Variants in NTRK3 observed in about 807,000 individuals in gnomAD.
The protein encoded by NTRK3 is neurotrophic receptor tyrosine kinase 3.
A neutral mutation model predicts 91.7 loss-of-function variants in NTRK3; 24 were observed. The observed-to-expected ratio is 0.26, with a 90% confidence interval of 0.19 to 0.37. NTRK3 has a LOEUF of 0.37. Among genes scored for constraint, NTRK3 ranks in the 10% least tolerant of loss-of-function variants. The pLI is 1.00. For missense variants in NTRK3, 880 were observed against 1,068.9 expected (o/e 0.82, Z 2.46); for synonymous variants, 483 against 404.0 (o/e 1.20, Z -2.34).
chr15:87,902,282 T>G (rs1339460496), intron 17 of NTRK3, among the ~76,000 whole-genome samples: 2 of 152,338 alleles, frequency 1.3e-5, no homozygotes, highest in East Asian at 3.9e-4. Context: ...CTTGTAGAAA[T>G]GGCACTGATA....
At chr15:88,201,326 G>T (rs1337587753) in intron 3 of NTRK3, among the ~76,000 whole-genome samples, 1 of 152,168 alleles carries the variant, frequency 6.6e-6, no homozygotes, top group Non-Finnish European at 1.5e-5. Flanking sequence ...ATGACTAAAA[G>T]CTGCATTTAC....
chr15:87,907,408 T>C (rs1443308104), intron 17 of NTRK3, among the ~76,000 whole-genome samples: 2 of 152,064 alleles, frequency 1.3e-5, no homozygotes, highest in Non-Finnish European at 2.9e-5. Flanking sequence ...ATAAAACTGA[T>C]CCTGAGAGAA....
At chr15:88,074,313 A>G (rs987248990) in intron 13 of NTRK3, among the ~76,000 whole-genome samples, 1 of 152,256 alleles carries the variant, frequency 6.6e-6, no homozygotes, top group Non-Finnish European at 1.5e-5. Context: ...GATGAAGTGC[A>G]TGGCACTGCC....
At chr15:88,193,751 C>T (rs1447303370) in intron 3 of NTRK3, among the ~76,000 whole-genome samples, 1 of 152,132 alleles carries the variant, frequency 6.6e-6, no homozygotes, top group Non-Finnish European at 1.5e-5. Context: ...TTTTCTCTTC[C>T]TCTTCTCTAC....
chr15:88,006,608 C>T (rs750319890), intron 14 of NTRK3, among the ~76,000 whole-genome samples: 2 of 152,180 alleles, frequency 1.3e-5, no homozygotes, highest in Admixed American at 1.3e-4. Context: ...CCAAAAAGCC[C>T]TGCCCCATGG....
At chr15:88,065,757 C>T (rs117333861) in intron 13 of NTRK3, among the ~76,000 whole-genome samples, 2,876 of 152,302 alleles carry the variant, frequency 0.019, 35 homozygotes, top group Non-Finnish European at 0.03. Flanking sequence ...TTTAACTCCA[C>T]AGGAGATGTG....
intron 6 of NTRK3, among the ~76,000 whole-genome samples, chr15:88,140,973 C>G (rs184635667): frequency 3.8e-4 from 58 of 152,224 alleles, no homozygotes; most frequent in African/African-American, 1.4e-3. Flanking sequence ...AAAGATGACC[C>G]CAAGATTTTA....
chr15:88,224,373 A>C (rs2050497466), intron 3 of NTRK3, among the ~76,000 whole-genome samples: 1 of 152,176 alleles, frequency 6.6e-6, no homozygotes, highest in South Asian at 2.1e-4. Context: ...TGAGAAGAAC[A>C]TGCCCAGCAG....
chr15:87,914,208 G>A (rs2067288072), intron 17 of NTRK3, among the ~76,000 whole-genome samples: 1 of 152,132 alleles, frequency 6.6e-6, no homozygotes, highest in Admixed American at 6.5e-5. Flanking sequence ...TTGATGCTAT[G>A]GCCTTTGAAT....
In NTRK3 at chr15:88,015,188, T is replaced by C. The variant is rs186296814; in HGVS notation, c.1585+17669A>G. On this transcript the variant is annotated intron_variant, in intron 14 of 18. Coordinates refer to ENST00000394480, the Ensembl canonical transcript of NTRK3. ...ACCTTTTTTATTACAGTGTTGATAG[T>C]TTCTTCACTCCTCTAGTCATCACCT... Among the ~76,000 whole-genome samples the C allele has an allele frequency of 6.3e-3, 955 of 152,298 alleles. 32 individuals are homozygous for C. The highest frequency in any genetic ancestry group is 0.058 in the Admixed American group (882 of 15,294).
intron 14 of NTRK3, among the ~76,000 whole-genome samples, chr15:88,010,927 A>C (rs2076835470): frequency 1.3e-5 from 2 of 152,054 alleles, no homozygotes. Context: ...TTCACTCCCT[A>C]CATGAATGAC....
chr15:88,064,560 G>A (rs958679353), intron 13 of NTRK3, among the ~76,000 whole-genome samples: 1 of 152,132 alleles, frequency 6.6e-6, no homozygotes, highest in Non-Finnish European at 1.5e-5. Context: ...TCTCATGGAG[G>A]TTGGTGAATT....
intron 14 of NTRK3, among the ~76,000 whole-genome samples, chr15:88,025,664 G>T (rs1396480775): frequency 6.6e-6 from 1 of 152,214 alleles, no homozygotes; most frequent in Non-Finnish European, 1.5e-5. Flanking sequence ...TTCAGAGGGA[G>T]GATGGCCCTG....
At position 88,021,390 on chromosome 15, in the gene NTRK3, T is replaced by C. The variant is rs2077578037; in HGVS notation, c.1585+11467A>G. On this transcript the variant is annotated intron_variant, in intron 14 of 18. Transcript: ENST00000394480. ...CAGAACAGCCCTGAATGGGATCCATTGAAACATCTGTGTCTACAGAGATGC... is the reference window on the plus strand; with the variant it reads ...CAGAACAGCCCTGAATGGGATCCATCGAAACATCTGTGTCTACAGAGATGC... Among the ~76,000 whole-genome samples the C allele has an allele frequency of 2.6e-5, 4 of 152,274 alleles. No individual in the cohort carries two copies. The South Asian group carries it at 8.3e-4, about 32-fold the overall frequency.
rs1248023723 is a variant in NTRK3 at position 88,240,749 on chromosome 15, T to A, written c.248+15157A>T. ...TCACTGTGCTGAGAATGGAAGCGGG[T>A]TAAAATAAAAGTCCCCTTAAAGGAG... On this transcript the variant is annotated intron_variant, in intron 3 of 18. Coordinates refer to ENST00000394480, the Ensembl canonical transcript of NTRK3. The surrounding 1 kb of genome is among the most constrained non-coding windows in gnomAD (Gnocchi z 4.9). Among the ~76,000 whole-genome samples, 2 of 152,014 alleles carry A rather than the reference T, an allele frequency of 1.3e-5. No homozygotes were observed. The highest frequency in any genetic ancestry group is 1.9e-4 in the East Asian group (1 of 5,166).
chr15:87,869,428 CCAGGG>C (rs1412185906), exon 19 of NTRK3: 1 of 224,404 alleles, frequency 4.5e-6, no homozygotes, highest in Non-Finnish European at 8.9e-6. Flanking sequence ...TGAAATTACT[CCAGGG>C]CAGGGCTTCT....
At chr15:87,951,659 G>T (rs141966503) in intron 14 of NTRK3, among the ~76,000 whole-genome samples, 3 of 152,266 alleles carry the variant, frequency 2.0e-5, no homozygotes, top group Non-Finnish European at 2.9e-5. Flanking sequence ...ACAGAGACTT[G>T]GGAGGCCTTT....
intron 3 of NTRK3, among the ~76,000 whole-genome samples, chr15:88,189,722 G>C (rs2047237446): frequency 6.6e-6 from 1 of 152,144 alleles, no homozygotes. Flanking sequence ...GGGATTACAG[G>C]CGTGAGCCAC....
chr15:88,088,368 G>A (rs1459672514), intron 13 of NTRK3, among the ~76,000 whole-genome samples: 2 of 152,184 alleles, frequency 1.3e-5, no homozygotes, highest in African/African-American at 2.4e-5. Flanking sequence ...GGCATGAGAT[G>A]TTTTTGCTCA....
Sources: allele counts gnomAD v4.1 joint callset (sites outside exome capture counted in the v4.1 genomes callset), GRCh38; gene constraint gnomAD v4.1.1; non-coding constraint Gnocchi (gnomAD v3.1); transcripts MANE v1.5; gene names NCBI Gene and HGNC (gene_info 2026-07-23, HGNC 2026-07-21).